The following ATF6 variants were observed in gnomAD, a reference collection of about 807,000 sequenced individuals.
ATF6 encodes the protein cyclic AMP-dependent transcription factor ATF-6 alpha.
Under a neutral mutation model 83.6 loss-of-function variants are expected in ATF6, and 53 were observed. That is an observed-to-expected ratio of 0.63 (90% CI 0.51 to 0.80). The LOEUF (loss-of-function observed/expected upper bound fraction) is 0.80. Ranked by LOEUF, ATF6 falls within the 30% of genes least tolerant of loss-of-function variation. The probability of loss-of-function intolerance (pLI) is 0.00; values close to 1 mark genes in which losing one functional copy is unlikely to be tolerated. For synonymous variants in ATF6, 288 were observed against 285.8 expected (o/e 1.01, Z -0.08); for missense variants, 744 against 797.9 (o/e 0.93, Z 0.81).
chr1:161,780,898 G>T (rs1333469828), intron 2 of ATF6, among the ~76,000 whole-genome samples: 2 of 151,882 alleles, frequency 1.3e-5, no homozygotes, highest in Admixed American at 1.3e-4. Context: ...TTTTTCTTAG[G>T]TAGAGATGGG....
intron 14 of ATF6, among the ~76,000 whole-genome samples, chr1:161,898,422 C>G (rs977089619): frequency 3.9e-5 from 6 of 152,110 alleles, no homozygotes; most frequent in Non-Finnish European, 4.4e-5. Context: ...TACCTATAGG[C>G]AGTTAGGCTT....
chr1:161,866,004 G>C (rs560373130), intron 14 of ATF6, among the ~76,000 whole-genome samples: 1 of 152,168 alleles, frequency 6.6e-6, no homozygotes. Context: ...TATTCTAACA[G>C]TTTCATTAAA....
chr1:161,880,530 G>A (rs1687300506), intron 14 of ATF6, among the ~76,000 whole-genome samples: 1 of 152,026 alleles, frequency 6.6e-6, no homozygotes, highest in Admixed American at 6.6e-5. Flanking sequence ...TGTATATAAA[G>A]GGATCTTAAT....
intron 14 of ATF6, among the ~76,000 whole-genome samples, chr1:161,896,711 G>T (rs1464093854): frequency 6.6e-6 from 1 of 152,110 alleles, no homozygotes; most frequent in Non-Finnish European, 1.5e-5. Flanking sequence ...ACAAAGTTAT[G>T]CAATAGTATA....
chr1:161,823,944 G>T (rs1343791793), intron 9 of ATF6, among the ~76,000 whole-genome samples: 1 of 152,074 alleles, frequency 6.6e-6, no homozygotes, highest in Non-Finnish European at 1.5e-5. Flanking sequence ...TACATAAAAT[G>T]TATTTCCATA....
intron 7 of ATF6, among the ~76,000 whole-genome samples, chr1:161,803,461 A>T (rs1374347256): frequency 6.6e-6 from 1 of 152,160 alleles, no homozygotes; most frequent in Non-Finnish European, 1.5e-5. Flanking sequence ...CTTGACTGTT[A>T]TGTTGGTTTG....
chr1:161,835,070 T>G (rs867572189), intron 9 of ATF6, among the ~76,000 whole-genome samples: 5 of 152,158 alleles, frequency 3.3e-5, no homozygotes, highest in Non-Finnish European at 5.9e-5. Flanking sequence ...TTAATTTTAT[T>G]TTTTATTTTT....
In ATF6 at chr1:161,962,328, C is replaced by G. The variant is rs1200089370; in HGVS notation, c.*3674C>G. ...CATTTTTAAAGAGACATCATCCTGACTAAATCTTAGCCTGAACCTTCCTCC... is the reference window on the plus strand; with the variant it reads ...CATTTTTAAAGAGACATCATCCTGAGTAAATCTTAGCCTGAACCTTCCTCC... On this transcript the variant is annotated 3_prime_UTR_variant, in exon 16 of 16. Transcript: ENST00000367942. 6.6e-6 allele frequency: 1 copy of G among 152,172 alleles called. No individual in the cohort carries two copies. Among genetic ancestry groups the G allele is most frequent in the Non-Finnish European group, 1.5e-5 (1 of 68,034 alleles). The allele number at this position is 152,172 out of a possible 1,614,324, so 9.4% of individuals were successfully genotyped here.
chr1:161,868,460 T>C (rs1196842061), intron 14 of ATF6, among the ~76,000 whole-genome samples: 1 of 152,146 alleles, frequency 6.6e-6, no homozygotes, highest in East Asian at 1.9e-4. Context: ...CCTAATTGTT[T>C]GATCTAAAAG....
At position 161,961,427 on chromosome 1, in the gene ATF6, AG is replaced by A. The variant is rs1424181281; in HGVS notation, c.*2775del. The A allele has an allele frequency of 6.6e-6, 1 of 152,242 alleles. No individual in the cohort carries two copies. The highest frequency in any genetic ancestry group is 1.5e-5 in the Non-Finnish European group (1 of 68,046). 9.4% of individuals were successfully genotyped at this position (152,242 alleles called of 1,614,324 possible). A position where few individuals can be genotyped will look rare whatever the true frequency, so the allele number is the denominator to read the frequency against. ...GGTAGAGTTTCAGGAAATGAGTGAA[AG>A]GCAATTGACAAATGCAAAGAAGTAG... On this transcript the variant is annotated 3_prime_UTR_variant, in exon 16 of 16. Transcript: ENST00000367942.
At chr1:161,876,083 A>G (rs1266957442) in intron 14 of ATF6, among the ~76,000 whole-genome samples, 1 of 151,948 alleles carries the variant, frequency 6.6e-6, no homozygotes, top group African/African-American at 2.4e-5. Context: ...AGTTGTTTCA[A>G]GATAAATGAT....
intron 9 of ATF6, among the ~76,000 whole-genome samples, chr1:161,843,575 T>G (rs1686407793): frequency 6.6e-6 from 1 of 152,166 alleles, no homozygotes; most frequent in Non-Finnish European, 1.5e-5. Context: ...TTTAAACTCT[T>G]TGAGCTTCAA....
At chr1:161,856,678 ATTAAC>A (rs1326967131) in intron 12 of ATF6, among the ~76,000 whole-genome samples, 9 of 152,132 alleles carry the variant, frequency 5.9e-5, no homozygotes, top group Non-Finnish European at 1.2e-4. Flanking sequence ...AGCTAGTATA[ATTAAC>A]TTAATGAAAA....
chr1:161,952,325 C>T (rs979271030), intron 15 of ATF6, among the ~76,000 whole-genome samples: 6 of 152,078 alleles, frequency 3.9e-5, no homozygotes, highest in African/African-American at 1.2e-4. Flanking sequence ...AACTCTTCCC[C>T]CTTTGCCTCC....
intron 15 of ATF6, among the ~76,000 whole-genome samples, chr1:161,935,598 C>G (rs774313062): frequency 1.3e-5 from 2 of 152,222 alleles, no homozygotes; most frequent in Non-Finnish European, 2.9e-5. Context: ...GTAATCCCAT[C>G]TTTTCCTTAG....
intron 3 of ATF6, among the ~76,000 whole-genome samples, chr1:161,782,592 G>A (rs1684660084): frequency 6.6e-6 from 1 of 152,090 alleles, no homozygotes; most frequent in Non-Finnish European, 1.5e-5. Context: ...ATGCCAGCTG[G>A]GAATAATTTA....
chr1:161,828,055 G>A (rs1417808174), intron 9 of ATF6, among the ~76,000 whole-genome samples: 1 of 151,952 alleles, frequency 6.6e-6, no homozygotes, highest in Admixed American at 6.6e-5. Context: ...ACTCATTGGG[G>A]TTAATTCTAT....
At chr1:161,879,729 T>C (rs1687286383) in intron 14 of ATF6, among the ~76,000 whole-genome samples, 1 of 152,142 alleles carries the variant, frequency 6.6e-6, no homozygotes, top group African/African-American at 2.4e-5. Flanking sequence ...AGCTTTTATT[T>C]CTGCTGACAT....
In ATF6 at chr1:161,819,835, C is replaced by G. The variant is rs3817085; in HGVS notation, c.1095+17C>G. 179,000 of 1,587,024 alleles carry G rather than the reference C, an allele frequency of 0.11. 15,201 individuals carry two copies. The highest frequency in any genetic ancestry group is 0.4 in the Admixed American group (22,081 of 55,366). On this transcript the variant is annotated intron_variant, in intron 8 of 15. Transcript: ENST00000367942. The stretch of plus-strand genomic sequence containing the variant: ...GTGTCAGAGGTAAGTGTTAGTAATA[C>G]GGCTGAGTCGAGATGGGCTAAAGTA...
Sources: allele counts gnomAD v4.1 joint callset (sites outside exome capture counted in the v4.1 genomes callset), GRCh38; gene constraint gnomAD v4.1.1; transcripts MANE v1.5; gene names NCBI Gene and HGNC (gene_info 2026-07-23, HGNC 2026-07-21).